Variants in NLGN1 observed in about 807,000 individuals in gnomAD.
The protein encoded by NLGN1 is neuroligin 1.
In NLGN1, 12 loss-of-function variants were observed where a neutral mutation model predicts 65.5. The observed-to-expected ratio is 0.18, with a 90% CI of 0.12 to 0.30. The LOEUF (loss-of-function observed/expected upper bound fraction) is 0.30, where lower values mean the gene tolerates loss of function less well. Among genes scored for constraint, NLGN1 ranks in the 10% least tolerant of loss-of-function variants. The probability of loss-of-function intolerance (pLI) is 1.00; values close to 1 mark genes in which losing one functional copy is unlikely to be tolerated. For synonymous variants in NLGN1, 350 were observed against 359.5 expected (o/e 0.97, Z 0.30); for missense variants, 750 against 1,007.1 (o/e 0.74, Z 3.46).
At chr3:174,131,614 T>TA (rs756369145) in intron 4 of NLGN1, among the ~76,000 whole-genome samples, 1 of 152,234 alleles carries the variant, frequency 6.6e-6, no homozygotes, top group African/African-American at 2.4e-5. Flanking sequence ...AACTTTAATA[T>TA]AAACAGTGTA....
At chr3:173,848,393 C>A (rs1726242511) in intron 4 of NLGN1, among the ~76,000 whole-genome samples, 1 of 152,150 alleles carries the variant, frequency 6.6e-6, no homozygotes, top group Non-Finnish European at 1.5e-5. Flanking sequence ...TGATTCAGTC[C>A]CACTTCAGAT....
intron 4 of NLGN1, among the ~76,000 whole-genome samples, chr3:174,215,702 A>G (rs992332093): frequency 6.6e-6 from 1 of 152,170 alleles, no homozygotes; most frequent in Non-Finnish European, 1.5e-5. Context: ...GCTAATTCAA[A>G]TGAACGAGTC....
intron 4 of NLGN1, among the ~76,000 whole-genome samples, chr3:174,000,137 T>G (rs1723004279): frequency 6.6e-6 from 1 of 152,122 alleles, no homozygotes; most frequent in Non-Finnish European, 1.5e-5. Context: ...TGTGACTTGG[T>G]CCACTGATGA....
rs921406061 is a variant in NLGN1, at chr3:173,991,988, C to T, written c.646+184156C>T. 7.9e-5 allele frequency among the ~76,000 whole-genome samples: 12 copies of T among 152,048 alleles called. No individual in the cohort carries two copies. In the South Asian group the frequency reaches 8.3e-4, roughly 11 times the overall value. ...GATTACAGGTGCCAGCCACCATGTC[C>T]GGCTAATTTTTGTATTTTTAGTAGA... On this transcript the variant is annotated intron_variant, in intron 4 of 6. Coordinates refer to ENST00000457714, the Ensembl canonical transcript of NLGN1.
intron 4 of NLGN1, among the ~76,000 whole-genome samples, chr3:174,141,422 A>G (rs530948938): frequency 6.6e-6 from 1 of 152,226 alleles, no homozygotes; most frequent in Non-Finnish European, 1.5e-5. Context: ...GCACATGTCA[A>G]TGACCAAATA....
intron 2 of NLGN1, among the ~76,000 whole-genome samples, chr3:173,500,537 G>A (rs183052624): frequency 1.3e-5 from 2 of 152,048 alleles, no homozygotes; most frequent in African/African-American, 4.8e-5. Flanking sequence ...TCTGTGCCAG[G>A]CTTTGGTATC....
chr3:173,937,914 T>G (rs931483200), intron 4 of NLGN1, among the ~76,000 whole-genome samples: 8 of 152,328 alleles, frequency 5.3e-5, no homozygotes, highest in African/African-American at 1.9e-4. Flanking sequence ...AAATTTAAAA[T>G]GTAATATTTG....
Position 174,116,570 on chromosome 3 carries a change from T to G in NLGN1, c.647-158745T>G, listed in dbSNP as rs146924320. Among the ~76,000 whole-genome samples the G allele has an allele frequency of 3.7e-3, 569 of 152,178 alleles. 2 individuals carry two copies. The highest frequency in any genetic ancestry group is 0.013 in the African/African-American group (530 of 41,534). ...CCCGGCTAGTCTCAAATTTCTGGCC[T>G]GAAGTGATCTGCCTGCCTTGGCCTT... On this transcript the variant is annotated intron_variant, in intron 4 of 6. Transcript: ENST00000457714.
rs201882930 is a variant in NLGN1, at chr3:173,536,991, G to A, written c.-320-67288G>A. The stretch of plus-strand genomic sequence containing the variant: ...AGAAGACCAATGTCCTAGTTTGAAG[G>A]CAGGCAAAAAGAGTGACTTCTCCCT... On this transcript the variant is annotated intron_variant, in intron 2 of 6. Transcript: ENST00000457714. 2.0e-5 allele frequency among the ~76,000 whole-genome samples: 3 copies of A among 152,252 alleles called. No individual in the cohort carries two copies. In the East Asian group the frequency reaches 5.8e-4, roughly 29 times the overall value.
chr3:173,408,669 T>C (rs914212923), intron 1 of NLGN1, among the ~76,000 whole-genome samples: 7 of 152,128 alleles, frequency 4.6e-5, no homozygotes, highest in African/African-American at 1.7e-4. Flanking sequence ...TCCCAGCACT[T>C]TGGGAGGCCG....
At chr3:174,122,329 A>G (rs907660233) in intron 4 of NLGN1, among the ~76,000 whole-genome samples, 1 of 152,156 alleles carries the variant, frequency 6.6e-6, no homozygotes, top group South Asian at 2.1e-4. Flanking sequence ...GGTTTTCTGC[A>G]TGTTATCTAA....
intron 3 of NLGN1, among the ~76,000 whole-genome samples, chr3:173,701,270 G>A (rs560840848): frequency 3.3e-4 from 50 of 152,326 alleles, no homozygotes; most frequent in Non-Finnish European, 6.3e-4. Context: ...GAACTTTACA[G>A]ATGTTATAGC....
At position 173,590,031 on chromosome 3, in the gene NLGN1, A is replaced by G. The variant is rs565359471; in HGVS notation, c.-320-14248A>G. Among the ~76,000 whole-genome samples the G allele has an allele frequency of 3.3e-5, 5 of 152,240 alleles. No individual in the cohort carries two copies. The South Asian group carries it at 1.0e-3, about 32-fold the overall frequency. On this transcript the variant is annotated intron_variant, in intron 2 of 6. Transcript: ENST00000457714. ...TTATCATTAGTAAAAGTTTTTTTCC[A>G]TGTGACAACCACCACTTCTATGACA...
intron 3 of NLGN1, among the ~76,000 whole-genome samples, chr3:173,721,066 G>C (rs1190240164): frequency 4.6e-5 from 7 of 152,174 alleles, no homozygotes; most frequent in Admixed American, 4.6e-4. Flanking sequence ...ACTGCGTTTT[G>C]AGTGCTCATA....
intron 3 of NLGN1, among the ~76,000 whole-genome samples, chr3:173,699,291 AC>A (rs1406549482): frequency 6.6e-6 from 1 of 152,238 alleles, no homozygotes; most frequent in Non-Finnish European, 1.5e-5. Context: ...ACTAAATGTT[AC>A]CAATACAGGT....
chr3:173,909,178 C>G (rs766579254), intron 4 of NLGN1, among the ~76,000 whole-genome samples: 2 of 151,570 alleles, frequency 1.3e-5, no homozygotes, highest in Non-Finnish European at 2.9e-5. Context: ...CCTTGCAGAA[C>G]GATGCAAGGA....
chr3:174,281,119 C>T, exon 7 of NLGN1: 1 of 1,613,420 alleles, frequency 6.2e-7, no homozygotes. Context: ...CCAGATTACA[C>T]ACTAGCTATG....
At chr3:174,027,760 G>A (rs903462926) in intron 4 of NLGN1, among the ~76,000 whole-genome samples, 8 of 151,938 alleles carry the variant, frequency 5.3e-5, no homozygotes, top group African/African-American at 1.9e-4. Flanking sequence ...TAAAGATGAG[G>A]GAATGTGGTC....
chr3:174,015,518 T>C (rs989986058), intron 4 of NLGN1, among the ~76,000 whole-genome samples: 1 of 152,148 alleles, frequency 6.6e-6, no homozygotes, highest in East Asian at 1.9e-4. Context: ...TAAACCTAAT[T>C]AACTCCCAAA....
Sources: allele counts gnomAD v4.1 joint callset (sites outside exome capture counted in the v4.1 genomes callset), GRCh38; gene constraint gnomAD v4.1.1; transcripts MANE v1.5; gene names NCBI Gene and HGNC (gene_info 2026-07-23, HGNC 2026-07-21).